The following SHISA9 variants were observed in gnomAD, a reference collection of about 807,000 sequenced individuals.
SHISA9 encodes shisa family member 9, also known as protein shisa-9.
SHISA9 carries 13 observed loss-of-function variants against 38.0 expected under a neutral mutation model. The observed-to-expected ratio is 0.34, with a 90% CI of 0.22 to 0.54. The LOEUF is 0.54. Among genes scored for constraint, SHISA9 ranks in the 20% least tolerant of loss-of-function variants. The pLI, the probability that SHISA9 is intolerant of heterozygous loss-of-function variation, is 0.91. For synonymous variants in SHISA9, 275 were observed against 242.0 expected, an observed-to-expected ratio of 1.14 and a Z score of -1.27; for missense variants, 538 against 575.8, an observed-to-expected ratio of 0.93 and a Z score of 0.67.
chr16:13,290,426 T>C, the SHISA9 span, among the ~76,000 whole-genome samples: 9 of 151,816 alleles, frequency 5.9e-5, no homozygotes, highest in Non-Finnish European at 1.3e-4. Context: ...TGGCACACCA[T>C]TGTTAAGACC....
Position 13,148,718 on chromosome 16 carries a change from C to T in SHISA9, c.692-54676C>T, listed in dbSNP as rs1659149. Among the ~76,000 whole-genome samples the T allele has an allele frequency of 4.2e-3, 623 of 149,924 alleles. 5 individuals are homozygous for T. Among genetic ancestry groups the T allele is most frequent in the East Asian group, 0.011 (56 of 5,084 alleles). Reference sequence around the variant, plus strand: ...ACACACACACACACACACACACACACATCATGACTATACCCTGCATATAGA... The same window carrying T: ...ACACACACACACACACACACACACATATCATGACTATACCCTGCATATAGA... On this transcript the variant is annotated intron_variant, in intron 2 of 4. Transcript: ENST00000558583.
At chr16:13,383,382 T>C in the SHISA9 span, among the ~76,000 whole-genome samples, 1 of 152,322 alleles carries the variant, frequency 6.6e-6, no homozygotes, top group East Asian at 1.9e-4. Context: ...AGATCTGATA[T>C]GGAATGATCT....
the SHISA9 span, among the ~76,000 whole-genome samples, chr16:13,506,637 A>G: frequency 6.6e-6 from 1 of 152,186 alleles, no homozygotes; most frequent in Non-Finnish European, 1.5e-5. Context: ...GCAAAAACAA[A>G]GAGGATGGAG....
chr16:13,207,500 G>T (rs1484684967), intron 3 of SHISA9, among the ~76,000 whole-genome samples: 1 of 152,048 alleles, frequency 6.6e-6, no homozygotes, highest in Non-Finnish European at 1.5e-5. Context: ...TGGTTGTAAG[G>T]AAGCACTCTA....
At chr16:13,294,516 C>A in the SHISA9 span, among the ~76,000 whole-genome samples, 1 of 152,158 alleles carries the variant, frequency 6.6e-6, no homozygotes, top group Non-Finnish European at 1.5e-5. Flanking sequence ...AACTCAAAAC[C>A]AGTGCATCAA....
chr16:13,274,261 GTT>G, the SHISA9 span, among the ~76,000 whole-genome samples: 60 of 152,260 alleles, frequency 3.9e-4, no homozygotes, highest in African/African-American at 1.3e-3. Context: ...TTAATTTGGT[GTT>G]CTGGCTCTCA....
At chr16:13,424,748 G>A in the SHISA9 span, among the ~76,000 whole-genome samples, 2 of 152,002 alleles carry the variant, frequency 1.3e-5, no homozygotes, top group Admixed American at 6.6e-5. Context: ...TAAACAAATC[G>A]GCATGGCTAT....
At chr16:13,304,445 A>G in the SHISA9 span, among the ~76,000 whole-genome samples, 27,148 of 151,972 alleles carry the variant, frequency 0.18, 2,618 homozygotes, top group African/African-American at 0.21. Flanking sequence ...TTTTTTGTAG[A>G]GAGGGTTTTG....
the SHISA9 span, among the ~76,000 whole-genome samples, chr16:13,390,749 A>G: frequency 1.5e-3 from 229 of 152,344 alleles, 2 homozygotes; most frequent in Non-Finnish European, 1.6e-3. Context: ...TTCTGAGATC[A>G]GCACGCTGGG....
chr16:13,413,620 G>A, the SHISA9 span, among the ~76,000 whole-genome samples: 6 of 152,130 alleles, frequency 3.9e-5, no homozygotes, highest in South Asian at 2.1e-4. Flanking sequence ...GGCGGGCGTG[G>A]TGGTGGGTGC....
intron 1 of SHISA9, chr16:12,911,558 A>G: frequency 5.4e-6 from 1 of 184,550 alleles, no homozygotes; most frequent in Non-Finnish European, 1.0e-5. Flanking sequence ...AATTGTGATG[A>G]CTTCATACTA....
At chr16:13,066,102 A>G (rs373668785) in intron 2 of SHISA9, among the ~76,000 whole-genome samples, 1 of 152,214 alleles carries the variant, frequency 6.6e-6, no homozygotes, top group African/African-American at 2.4e-5. Context: ...ACGAACTTTC[A>G]GAGCCAGTGT....
intron 2 of SHISA9, among the ~76,000 whole-genome samples, chr16:13,144,464 G>C (rs984565560): frequency 1.3e-5 from 2 of 151,928 alleles, no homozygotes; most frequent in Non-Finnish European, 2.9e-5. Flanking sequence ...GCTAGTTCTT[G>C]AACATCACCT....
At chr16:13,473,574 C>G in the SHISA9 span, among the ~76,000 whole-genome samples, 1 of 152,000 alleles carries the variant, frequency 6.6e-6, no homozygotes, top group Admixed American at 6.6e-5. Flanking sequence ...GAAATACCCA[C>G]CCTTCCTCAG....
intron 2 of SHISA9, among the ~76,000 whole-genome samples, chr16:12,963,737 A>G (rs979980835): frequency 1.3e-5 from 2 of 152,168 alleles, no homozygotes; most frequent in Non-Finnish European, 2.9e-5. Flanking sequence ...AAATACTTCC[A>G]TTTCTGGCTC....
chr16:13,560,740 A>T, the SHISA9 span, among the ~76,000 whole-genome samples: 1,172 of 128,750 alleles, frequency 9.1e-3, 14 homozygotes, highest in African/African-American at 0.033. Context: ...ATCTGTCCAA[A>T]TGCACTAAAT....
At chr16:13,420,912 G>A in the SHISA9 span, among the ~76,000 whole-genome samples, 349 of 152,290 alleles carry the variant, frequency 2.3e-3, 1 homozygote, top group African/African-American at 8.1e-3. Flanking sequence ...AAGAGATGAT[G>A]GTATTACAGC....
chr16:12,981,389 C>T (rs1202373797), intron 2 of SHISA9, among the ~76,000 whole-genome samples: 1 of 152,232 alleles, frequency 6.6e-6, no homozygotes, highest in Non-Finnish European at 1.5e-5. Context: ...CAGAGCCATA[C>T]TCCTTCAACC....
chr16:13,023,817 G>A (rs905226583), intron 2 of SHISA9, among the ~76,000 whole-genome samples: 1 of 152,222 alleles, frequency 6.6e-6, no homozygotes, highest in African/African-American at 2.4e-5. Context: ...ATAGATGAAA[G>A]ACCTCTTTTT....
Sources: gnomAD v4.1 joint callset for allele counts (sites outside exome capture counted in the v4.1 genomes callset) on GRCh38, gnomAD v4.1.1 for gene constraint, MANE v1.5 for transcripts, NCBI Gene and HGNC (gene_info 2026-07-23, HGNC 2026-07-21) for gene names.